Variants in IGSF21 observed in about 807,000 individuals in gnomAD.
The protein encoded by IGSF21 is immunoglobulin superfamily member 21.
A neutral mutation model predicts 46.8 loss-of-function variants in IGSF21; 28 were observed. The observed-to-expected ratio is 0.60, with a 90% CI of 0.44 to 0.82. IGSF21 has a LOEUF of 0.82. Among genes scored for constraint, IGSF21 ranks in the 40% least tolerant of loss-of-function variants. The probability of loss-of-function intolerance (pLI) is 0.00; values close to 1 mark genes in which losing one functional copy is unlikely to be tolerated. For missense variants in IGSF21, 624 were observed against 665.5 expected (o/e 0.94, Z 0.69); for synonymous variants, 284 against 273.6 (o/e 1.04, Z -0.38).
At chr1:18,216,341 A>G (rs774283992) in intron 1 of IGSF21, among the ~76,000 whole-genome samples, 19 of 152,252 alleles carry the variant, frequency 1.2e-4, no homozygotes, top group African/African-American at 4.1e-4. Context: ...AGGCAAGCTC[A>G]TAAGGGACTC....
intron 6 of IGSF21, among the ~76,000 whole-genome samples, chr1:18,374,719 T>G (rs1198723651): frequency 3.3e-5 from 5 of 152,194 alleles, no homozygotes; most frequent in Admixed American, 6.5e-5. Context: ...TGGCAGTGCC[T>G]GGGAGGCCAC....
At chr1:18,343,284 A>C (rs576171537) in intron 4 of IGSF21, among the ~76,000 whole-genome samples, 51 of 152,190 alleles carry the variant, frequency 3.4e-4, no homozygotes, top group African/African-American at 1.2e-3. Flanking sequence ...GGTCATTTTC[A>C]ATGGCCTTAT....
chr1:18,118,428 G>A (rs2086206330), intron 1 of IGSF21, among the ~76,000 whole-genome samples: 1 of 152,206 alleles, frequency 6.6e-6, no homozygotes, highest in Non-Finnish European at 1.5e-5. Flanking sequence ...GTGGCATCTT[G>A]AGCTGGTGCT....
In IGSF21 at chr1:18,146,654, G is replaced by A. The variant is rs9329468; in HGVS notation, c.70+38456G>A. Reference sequence around the variant, plus strand: ...GAGCGTTCAGCCTTGTTTGATATGTGAGCAAACTGGAATTGGTTTCTGGCC... The same window carrying A: ...GAGCGTTCAGCCTTGTTTGATATGTAAGCAAACTGGAATTGGTTTCTGGCC... On this transcript the variant is annotated intron_variant, in intron 1 of 9. Coordinates refer to ENST00000251296, the MANE Select transcript of IGSF21 (RefSeq NM_032880.5). Among the ~76,000 whole-genome samples, 1,358 of 152,264 alleles carry A rather than the reference G, an allele frequency of 8.9e-3. 24 individuals carry two copies. The highest frequency in any genetic ancestry group is 0.031 in the African/African-American group (1,282 of 41,526).
At chr1:18,359,330 G>GAAAA (rs1211798436) in intron 4 of IGSF21, among the ~76,000 whole-genome samples, 21 of 95,426 alleles carry the variant, frequency 2.2e-4, no homozygotes, top group African/African-American at 7.8e-4. Context: ...GAGAGAGAAA[G>GAAAA]AGAAAGAAAA....
chr1:18,376,204 A>G (rs1006110170), intron 6 of IGSF21, 106 bp from the exon 7 acceptor site: 28 of 799,404 alleles, frequency 3.5e-5, no homozygotes, highest in African/African-American at 1.7e-5. Context: ...TTCTCACAGA[A>G]GCAGCTGATC....
intron 1 of IGSF21, among the ~76,000 whole-genome samples, chr1:18,116,213 G>A (rs534473940): frequency 1.6e-4 from 25 of 152,166 alleles, no homozygotes; most frequent in African/African-American, 5.1e-4. Context: ...AATGGAAATC[G>A]GCAAACTATA....
chr1:18,354,362 G>A (rs1405582000), intron 4 of IGSF21, among the ~76,000 whole-genome samples: 4 of 152,062 alleles, frequency 2.6e-5, no homozygotes, highest in Non-Finnish European at 5.9e-5. Context: ...CAGAGAGACA[G>A]GCTAGTGGAG....
chr1:18,310,709 A>C (rs1371356019), intron 3 of IGSF21, among the ~76,000 whole-genome samples: 1 of 152,250 alleles, frequency 6.6e-6, no homozygotes, highest in Non-Finnish European at 1.5e-5. Flanking sequence ...TTAAAACAAC[A>C]GAACTGTATT....
chr1:18,359,383 A>AATGGAAGGAAGGAAGGAAGG (rs2086064838), intron 4 of IGSF21, among the ~76,000 whole-genome samples: 4 of 61,106 alleles, frequency 6.5e-5, no homozygotes, highest in African/African-American at 2.7e-4. Context: ...AGAAAGAAAG[A>AATGGAAGGAAGGAAGGAAGG]AAGGAAGGAA....
rs2085613874 is a variant in IGSF21 at position 18,322,578 on chromosome 1, C to A, written c.306-12314C>A. Among the ~76,000 whole-genome samples the A allele has an allele frequency of 6.6e-6, 1 of 152,218 alleles. No individual in the cohort carries two copies. Among genetic ancestry groups the A allele is most frequent in the Admixed American group, 6.5e-5 (1 of 15,278 alleles). On this transcript the variant is annotated intron_variant, in intron 3 of 9. Transcript: ENST00000251296. This position sits in a 1 kb window ranked among gnomAD's most constrained non-coding sequence, Gnocchi z 4.3. Reference sequence around the variant, plus strand: ...TTTGGTCTCATTTCCCTTTGGCCAACCACCTGGCTCCTGGTTCCCCACCAC... The same window carrying A: ...TTTGGTCTCATTTCCCTTTGGCCAAACACCTGGCTCCTGGTTCCCCACCAC...
intron 4 of IGSF21, among the ~76,000 whole-genome samples, chr1:18,338,735 C>A (rs1052289124): frequency 6.6e-6 from 1 of 152,118 alleles, no homozygotes; most frequent in Non-Finnish European, 1.5e-5. Flanking sequence ...TTGGGAGTCC[C>A]GTGGGTGACA....
At chr1:18,319,607 G>C (rs926073336) in intron 3 of IGSF21, among the ~76,000 whole-genome samples, 1 of 151,894 alleles carries the variant, frequency 6.6e-6, no homozygotes, top group South Asian at 2.1e-4. Context: ...TTGTTCCAAG[G>C]AATTCACTAG....
intron 3 of IGSF21, among the ~76,000 whole-genome samples, chr1:18,328,253 C>T (rs545649529): frequency 9.9e-5 from 15 of 152,226 alleles, no homozygotes; most frequent in Admixed American, 8.5e-4. Context: ...CATGGCTTAG[C>T]GCCTAACCTA....
intron 1 of IGSF21, among the ~76,000 whole-genome samples, chr1:18,134,828 G>A: frequency 6.6e-6 from 1 of 152,212 alleles, no homozygotes. Context: ...CTCAGACCGG[G>A]GCCTCAGTCA....
At chr1:18,325,350 A>C (rs1331558957) in intron 3 of IGSF21, among the ~76,000 whole-genome samples, 1 of 152,064 alleles carries the variant, frequency 6.6e-6, no homozygotes, top group Non-Finnish European at 1.5e-5. Flanking sequence ...CAATGGAAGG[A>C]GACCACCCAG....
chr1:18,176,158 C>A (rs191688622), intron 1 of IGSF21: 1 of 152,184 alleles, frequency 6.6e-6, no homozygotes, highest in Non-Finnish European at 1.5e-5. Context: ...TCCTGCTCCG[C>A]GGGCTGTCGG....
At chr1:18,352,455 G>A (rs2085967583) in intron 4 of IGSF21, among the ~76,000 whole-genome samples, 1 of 152,186 alleles carries the variant, frequency 6.6e-6, no homozygotes, top group African/African-American at 2.4e-5. Context: ...TCAAGGATTT[G>A]CGTTTCTAAT....
At chr1:18,218,371 C>T (rs773401092) in intron 1 of IGSF21, among the ~76,000 whole-genome samples, 6 of 152,196 alleles carry the variant, frequency 3.9e-5, no homozygotes, top group East Asian at 1.9e-4. Flanking sequence ...CTGGGTATTA[C>T]GATTCGACAT....
Sources: allele counts gnomAD v4.1 joint callset (sites outside exome capture counted in the v4.1 genomes callset), GRCh38; gene constraint gnomAD v4.1.1; non-coding constraint Gnocchi (gnomAD v3.1); transcripts MANE v1.5; gene names NCBI Gene and HGNC (gene_info 2026-07-23, HGNC 2026-07-21).